The following PRKD1 variants were observed in gnomAD, a reference collection of about 807,000 sequenced individuals.
The protein encoded by PRKD1 is protein kinase D1, also known as serine/threonine-protein kinase D1.
In PRKD1, 63 loss-of-function variants were observed where a neutral mutation model predicts 95.9. That is an observed-to-expected ratio of 0.66 (90% CI 0.54 to 0.81). The LOEUF is 0.81. PRKD1 is among the 30% of genes least tolerant of loss of function. The probability of loss-of-function intolerance (pLI) is 0.00; values close to 1 mark genes in which losing one functional copy is unlikely to be tolerated. For missense variants in PRKD1, 1,048 were observed against 1,165.3 expected, an observed-to-expected ratio of 0.90 and a Z score of 1.47; for synonymous variants, 425 against 423.1, an observed-to-expected ratio of 1.00 and a Z score of -0.05.
At chr14:29,885,332 G>C (rs1893664136) in intron 1 of PRKD1, among the ~76,000 whole-genome samples, 1 of 152,000 alleles carries the variant, frequency 6.6e-6, no homozygotes, top group South Asian at 2.1e-4. Flanking sequence ...ATTTCTGTGA[G>C]ATGAGTTACC....
At chr14:29,773,946 C>T (rs901240399) in intron 1 of PRKD1, among the ~76,000 whole-genome samples, 1 of 152,184 alleles carries the variant, frequency 6.6e-6, no homozygotes, top group African/African-American at 2.4e-5. Flanking sequence ...TAATAATACA[C>T]ATTCATTAAA....
At chr14:29,655,869 T>C (rs74321735) in intron 4 of PRKD1, among the ~76,000 whole-genome samples, 1 of 151,536 alleles carries the variant, frequency 6.6e-6, no homozygotes, top group East Asian at 1.9e-4. Flanking sequence ...GGTAAGTTCA[T>C]GGGTGCAGCA....
At position 29,771,718 on chromosome 14, in the gene PRKD1, C is replaced by A. The variant is rs1888516489; in HGVS notation, c.265-46044G>T. Among the ~76,000 whole-genome samples the A allele has an allele frequency of 2.0e-5, 3 of 152,268 alleles. No homozygotes were observed. In the South Asian group the frequency reaches 6.2e-4, roughly 32 times the overall value. ...CAGCCTGGGAGAGTCATGAGTATGC[C>A]ACTCCAACCCATAAGGGCTGTGCCC... On this transcript the variant is annotated intron_variant, in intron 1 of 17. Coordinates refer to ENST00000331968, the MANE Select transcript of PRKD1 (RefSeq NM_002742.3).
chr14:29,847,631 A>C (rs955104099), intron 1 of PRKD1, among the ~76,000 whole-genome samples: 52 of 152,228 alleles, frequency 3.4e-4, no homozygotes, highest in African/African-American at 1.1e-3. Flanking sequence ...GACTAACAAA[A>C]GGATTCAGTT....
chr14:29,663,796 C>G lies in PRKD1; in HGVS notation c.599G>C (p.Arg200Thr), dbSNP rs774699377. Residue 200 changes from arginine (R) to threonine (T), a missense_variant, in exon 4 of 18, where the codon AGG becomes ACG. Around this residue, in one of 3 missense-constraint regions of PRKD1, gnomAD observed 275 missense variants for 248.6 expected, o/e 1.11. Transcript: ENST00000331968. Reference protein sequence around the residue: ...FKIPNNCSGVRRRRLSNVSLT... With the variant: ...FKIPNNCSGVTRRRLSNVSLT... The stretch of plus-strand genomic sequence containing the variant: ...GGAAACGTTTGAGAGCCTTCTCCGC[C>G]TCACACCGCTGCAATTGTTGGGTAT... 6.2e-7 allele frequency: 1 copy of G among 1,614,068 alleles called. No individual in the cohort carries two copies. The highest frequency in any genetic ancestry group is 8.5e-7 in the Non-Finnish European group (1 of 1,179,948).
intron 1 of PRKD1, among the ~76,000 whole-genome samples, chr14:29,847,346 T>TA (rs1892118626): frequency 6.6e-6 from 1 of 152,210 alleles, no homozygotes; most frequent in African/African-American, 2.4e-5. Flanking sequence ...TTCTGCCTCT[T>TA]ATGCAAACTT....
Position 29,636,488 on chromosome 14 carries a change from A to C in PRKD1, c.992T>G (p.Leu331Arg), listed in dbSNP as rs1880387967. The change falls in exon 7 of 18, where the codon CTT (leucine) becomes CGT (arginine). Residue 331 changes from leucine to arginine, a missense_variant. Transcript: ENST00000331968. ...CACATCAGACTCTGCCCCAGGGCTA[A>C]GCAAATCTAGAAAATTATTTTCACC... The part of the protein sequence containing the change: ...LGEVTINGDL[L>R]SPGAESDVVM... 6.2e-7 allele frequency: 1 copy of C among 1,614,014 alleles called. No homozygotes were observed. Among genetic ancestry groups the C allele is most frequent in the Non-Finnish European group, 8.5e-7 (1 of 1,180,006 alleles).
rs45528442 is a variant in PRKD1, at chr14:29,704,363, A to G, written c.403+21173T>C. ...AGCCACTCATCCTTTATACCTGGCT[A>G]TGTGGATAACAGCATTTGGTATCGA... On this transcript the variant is annotated intron_variant, in intron 2 of 17. Coordinates refer to ENST00000331968, the MANE Select transcript of PRKD1 (RefSeq NM_002742.3). Among the ~76,000 whole-genome samples, 1,516 of 152,328 alleles carry G rather than the reference A, an allele frequency of 1.0e-2. 8 individuals carry two copies. The highest frequency in any genetic ancestry group is 0.017 in the Non-Finnish European group (1,147 of 68,006).
intron 1 of PRKD1, among the ~76,000 whole-genome samples, chr14:29,901,231 G>T (rs1434283371): frequency 1.3e-5 from 2 of 152,196 alleles, no homozygotes; most frequent in African/African-American, 2.4e-5. Flanking sequence ...GCAAATTAAT[G>T]CAAGAACAGA....
chr14:29,606,872 ACCTGGAGCTTAATTT>A (rs1220156988), intron 13 of PRKD1, among the ~76,000 whole-genome samples: 3 of 152,220 alleles, frequency 2.0e-5, no homozygotes, highest in Non-Finnish European at 4.4e-5. Context: ...AAGCCTGGAA[ACCTGGAGCTTAATTT>A]CAGGAGCAAG....
chr14:29,692,272 G>C (rs1884284271), intron 2 of PRKD1, among the ~76,000 whole-genome samples: 2 of 151,524 alleles, frequency 1.3e-5, no homozygotes. Context: ...GATTCCATTG[G>C]AGACTTTAGT....
intron 1 of PRKD1, among the ~76,000 whole-genome samples, chr14:29,788,416 C>G (rs1178097095): frequency 6.6e-6 from 1 of 152,146 alleles, no homozygotes. Context: ...GGAATTGAAT[C>G]AGTTTGGAGA....
intron 4 of PRKD1, among the ~76,000 whole-genome samples, chr14:29,648,483 G>C (rs1881278822): frequency 6.6e-6 from 1 of 152,112 alleles, no homozygotes; most frequent in Non-Finnish European, 1.5e-5. Context: ...CTTTTTATTA[G>C]AGTCTTTAAA....
At chr14:29,836,444 C>T (rs1244910618) in intron 1 of PRKD1, among the ~76,000 whole-genome samples, 4 of 152,072 alleles carry the variant, frequency 2.6e-5, no homozygotes, top group Admixed American at 6.6e-5. Flanking sequence ...TATTTAGTCA[C>T]GTTGTAGGTG....
chr14:29,795,262 C>G (rs1309989137), intron 1 of PRKD1, among the ~76,000 whole-genome samples: 1 of 151,694 alleles, frequency 6.6e-6, no homozygotes, highest in Admixed American at 6.6e-5. Context: ...TTGCTTTTGT[C>G]TCTTTTTATA....
At chr14:29,609,083 C>T (rs17652711) in intron 13 of PRKD1, among the ~76,000 whole-genome samples, 22,079 of 152,102 alleles carry the variant, frequency 0.15, 1,676 homozygotes, top group Non-Finnish European at 0.16. Flanking sequence ...TCAAATATAA[C>T]TCACTGGACT....
chr14:29,812,795 A>C (rs1285408710), intron 1 of PRKD1, among the ~76,000 whole-genome samples: 3 of 152,218 alleles, frequency 2.0e-5, no homozygotes, highest in Non-Finnish European at 4.4e-5. Context: ...AAACCATATC[A>C]GTTATATTTT....
chr14:29,777,144 G>A (rs1222600530), intron 1 of PRKD1, among the ~76,000 whole-genome samples: 1 of 152,154 alleles, frequency 6.6e-6, no homozygotes, highest in Non-Finnish European at 1.5e-5. Flanking sequence ...CCTGAAGGAA[G>A]CACTAAACAT....
chr14:29,754,640 A>G (rs1887617277), intron 1 of PRKD1, among the ~76,000 whole-genome samples: 1 of 152,044 alleles, frequency 6.6e-6, no homozygotes. Flanking sequence ...TCCTGTTTAC[A>G]TCAGTTTATT....
Sources: allele counts gnomAD v4.1 joint callset (sites outside exome capture counted in the v4.1 genomes callset), GRCh38; gene constraint gnomAD v4.1.1; regional missense constraint gnomAD v4.1.1; transcripts MANE v1.5; gene names NCBI Gene and HGNC (gene_info 2026-07-23, HGNC 2026-07-21).